AFAP1: variants seen among roughly 807,000 people sequenced by gnomAD.
The protein encoded by AFAP1 is actin filament associated protein 1.
Under a neutral mutation model 93.9 loss-of-function variants are expected in AFAP1, and 75 were observed. That is an observed-to-expected ratio of 0.80 (90% CI 0.66 to 0.97). The LOEUF is 0.97. Among genes scored for constraint, AFAP1 ranks in the 50% least tolerant of loss-of-function variants. The pLI is 0.00. For missense variants in AFAP1, 1,201 were observed against 1,050.8 expected (o/e 1.14, Z -1.98); for synonymous variants, 517 against 430.7 (o/e 1.20, Z -2.48).
At chr4:7,792,783 T>C (rs911051286) in intron 11 of AFAP1, among the ~76,000 whole-genome samples, 14 of 150,098 alleles carry the variant, frequency 9.3e-5, no homozygotes, top group African/African-American at 3.4e-4. Context: ...TGATCCTTTA[T>C]AGAAAAAGTC....
chr4:7,837,186 A>T (rs1414545451), intron 6 of AFAP1, among the ~76,000 whole-genome samples: 1 of 152,198 alleles, frequency 6.6e-6, no homozygotes, highest in East Asian at 1.9e-4. Context: ...GCCAAAATGA[A>T]CTCTAAAACA....
At chr4:7,860,450 T>A (rs989428583) in intron 3 of AFAP1, among the ~76,000 whole-genome samples, 7 of 152,184 alleles carry the variant, frequency 4.6e-5, no homozygotes, top group African/African-American at 1.7e-4. Context: ...ATTTCCAGAT[T>A]CAGGATGTTC....
chr4:7,927,265 T>C (rs1017788492), intron 1 of AFAP1, among the ~76,000 whole-genome samples: 1 of 152,190 alleles, frequency 6.6e-6, no homozygotes, highest in Non-Finnish European at 1.5e-5. Context: ...CCCTAAGGTT[T>C]GGGTGTGCCA....
At chr4:7,798,397 T>C (rs905169961) in intron 10 of AFAP1, among the ~76,000 whole-genome samples, 3 of 149,478 alleles carry the variant, frequency 2.0e-5, no homozygotes, top group Admixed American at 2.0e-4. Flanking sequence ...CCCTATTGGC[T>C]GGCTCACAGC....
At chr4:7,853,600 C>T (rs1197058563) in intron 4 of AFAP1, among the ~76,000 whole-genome samples, 6 of 152,186 alleles carry the variant, frequency 3.9e-5, no homozygotes, top group Non-Finnish European at 7.3e-5. Context: ...GGAAGAAGTT[C>T]TCACAACTGC....
At position 7,871,979 on chromosome 4, in the gene AFAP1, T is replaced by C; in HGVS notation, c.100A>G (p.Ile34Val). ...TTGGATGACTGTATTCTTAGCAGAATGTTGGTTATCACTGCCTTTTTCTCC... is the reference window on the plus strand; with the variant it reads ...TTGGATGACTGTATTCTTAGCAGAACGTTGGTTATCACTGCCTTTTTCTCC... ...VREKKAVITN[I>V]LLRIQSSKGF... is the part of the protein sequence containing the mutation. Residue 34 changes from isoleucine to valine, a missense_variant, in exon 2 of 18, where the codon ATT becomes GTT. Coordinates refer to ENST00000420658, the MANE Select transcript of AFAP1 (RefSeq NM_001134647.2). The C allele has an allele frequency of 6.2e-7, 1 of 1,614,228 alleles. No homozygotes were observed.
At chr4:7,803,069 C>T (rs1719203424) in intron 9 of AFAP1, among the ~76,000 whole-genome samples, 1 of 152,230 alleles carries the variant, frequency 6.6e-6, no homozygotes, top group African/African-American at 2.4e-5. Flanking sequence ...ACCACTCATG[C>T]TGAAAGCCGA....
chr4:7,883,490 G>A (rs1056704618), intron 1 of AFAP1, among the ~76,000 whole-genome samples: 1 of 152,040 alleles, frequency 6.6e-6, no homozygotes, highest in Non-Finnish European at 1.5e-5. Context: ...AAGTCAAAGA[G>A]GCCCATTTCC....
chr4:7,891,370 G>A (rs995065420), intron 1 of AFAP1, among the ~76,000 whole-genome samples: 10 of 151,872 alleles, frequency 6.6e-5, no homozygotes, highest in South Asian at 2.1e-4. Flanking sequence ...AAGCACATCC[G>A]AGGTAGAGAA....
chr4:7,780,655 T>TG (rs1327482183), intron 13 of AFAP1, among the ~76,000 whole-genome samples: 4 of 151,996 alleles, frequency 2.6e-5, no homozygotes, highest in African/African-American at 9.7e-5. Context: ...TTTTTTTTTT[T>TG]TTTAAAAAGG....
At chr4:7,766,936 A>G (rs965446980) in intron 17 of AFAP1, among the ~76,000 whole-genome samples, 3 of 151,874 alleles carry the variant, frequency 2.0e-5, no homozygotes, top group African/African-American at 7.3e-5. Context: ...GGAATACCGC[A>G]GCGGGCATAG....
At chr4:7,891,095 AAAAT>A (rs1159347517) in intron 1 of AFAP1, among the ~76,000 whole-genome samples, 13 of 152,180 alleles carry the variant, frequency 8.5e-5, no homozygotes, top group East Asian at 3.8e-4. Context: ...ACCAAAAAAA[AAAAT>A]AAATAAACTA....
chr4:7,879,676 A>C (rs534966237), intron 1 of AFAP1, among the ~76,000 whole-genome samples: 14 of 149,930 alleles, frequency 9.3e-5, no homozygotes, highest in African/African-American at 3.4e-4. Flanking sequence ...TCTTTGGACT[A>C]ATTAATTATC....
In AFAP1 at chr4:7,793,727, C is replaced by G; in HGVS notation, c.1366G>C (p.Val456Leu). The stretch of plus-strand genomic sequence containing the variant: ...TGAATGACACTTGCAGACATCTCCA[C>G]ATCAATGTAGTCATAGTGCAGAGCC... ...PEALHYDYID[V>L]EMSASVIQTA... The change falls in exon 11 of 18, where the codon GTG becomes CTG. Residue 456 changes from valine to leucine, a missense_variant. Val to Leu is a conservative substitution (Grantham distance 32). Transcript: ENST00000420658. 1.3e-6 allele frequency: 2 copies of G among 1,579,874 alleles called. No individual in the cohort carries two copies. Among genetic ancestry groups the G allele is most frequent in the Non-Finnish European group, 1.7e-6 (2 of 1,153,422 alleles).
chr4:7,887,741 GA>G (rs1718212967), intron 1 of AFAP1, among the ~76,000 whole-genome samples: 1 of 116,780 alleles, frequency 8.6e-6, no homozygotes, highest in South Asian at 2.3e-4. Context: ...AGACACAAAG[GA>G]GGAATTTGTC....
At chr4:7,783,235 G>A (rs1027135508) in intron 12 of AFAP1, among the ~76,000 whole-genome samples, 1 of 152,108 alleles carries the variant, frequency 6.6e-6, no homozygotes, top group Non-Finnish European at 1.5e-5. Context: ...CGCCTCCCAG[G>A]CTCAAGCAAT....
At chr4:7,787,045 A>G (rs752615778) in intron 11 of AFAP1, among the ~76,000 whole-genome samples, 5 of 152,194 alleles carry the variant, frequency 3.3e-5, no homozygotes, top group African/African-American at 4.8e-5. Flanking sequence ...GGCGTAATAA[A>G]TATGTATTTT....
At chr4:7,897,718 T>TGG (rs1718871242) in intron 1 of AFAP1, among the ~76,000 whole-genome samples, 3 of 152,178 alleles carry the variant, frequency 2.0e-5, no homozygotes, top group Admixed American at 1.3e-4. Context: ...GAGATGGGGC[T>TGG]TCACCATGTT....
At chr4:7,775,006 C>T (rs1480252337) in intron 14 of AFAP1, 103 bp from the exon 15 acceptor site, 20 of 1,351,826 alleles carry the variant, frequency 1.5e-5, no homozygotes, top group East Asian at 4.6e-5. Flanking sequence ...CCAGGCATGG[C>T]GGCACATGCC....
Sources: allele counts gnomAD v4.1 joint callset (sites outside exome capture counted in the v4.1 genomes callset), GRCh38; gene constraint gnomAD v4.1.1; transcripts MANE v1.5; gene names NCBI Gene and HGNC (gene_info 2026-07-23, HGNC 2026-07-21).